The following TTC39C variants were observed in gnomAD, a reference collection of about 807,000 sequenced individuals.
TTC39C encodes tetratricopeptide repeat protein 39C.
A neutral mutation model predicts 76.3 loss-of-function variants in TTC39C; 33 were observed. That is an observed-to-expected ratio of 0.43 (90% CI 0.33 to 0.58). The LOEUF is 0.58. Among genes scored for constraint, TTC39C ranks in the 20% least tolerant of loss-of-function variants. TTC39C has a pLI of 0.04. For missense variants in TTC39C, 595 were observed against 701.4 expected (o/e 0.85, Z 1.71); for synonymous variants, 254 against 260.6 (o/e 0.97, Z 0.24).
intron 6 of TTC39C, among the ~76,000 whole-genome samples, chr18:24,111,237 C>T (rs116398885): frequency 0.028 from 4,313 of 152,038 alleles, 213 homozygotes; most frequent in African/African-American, 0.098. Flanking sequence ...TGAGCCACTG[C>T]GCCCGGCCTC....
chr18:24,046,131 G>A (rs2145702325), intron 1 of TTC39C, among the ~76,000 whole-genome samples: 1 of 151,054 alleles, frequency 6.6e-6, no homozygotes, highest in South Asian at 2.1e-4. Context: ...GTAGAGATGG[G>A]GTTTCACTGT....
intron 6 of TTC39C, chr18:24,114,080 G>A (rs1315902274): frequency 3.7e-6 from 1 of 272,726 alleles, no homozygotes; most frequent in African/African-American, 2.2e-5. Context: ...AGACTTCTGG[G>A]CCAGGGCTGG....
At chr18:24,132,054 A>G (rs2085136808) in intron 13 of TTC39C, 134 bp downstream of exon 13, 2 of 774,240 alleles carry the variant, frequency 2.6e-6, no homozygotes, top group Non-Finnish European at 4.0e-6. Context: ...AATGACAACC[A>G]ATTGAATCAG....
chr18:24,014,800 C>T lies in TTC39C; in HGVS notation c.-72C>T, dbSNP rs1568404171. On this transcript the variant is annotated 5_prime_UTR_variant, in exon 1 of 14. Transcript: ENST00000317571. ...TTGGCTCCGGGCAGGTAGAGCCGGG[C>T]TCCGGGCGCGCGCGGGGCCGCAGCA... is the stretch of plus-strand genomic sequence containing the variant. 8 of 1,190,850 alleles carry T rather than the reference C, an allele frequency of 6.7e-6. No individual in the cohort carries two copies. The highest frequency in any genetic ancestry group is 8.4e-6 in the Non-Finnish European group (8 of 957,266). 73.8% of individuals were successfully genotyped at this position (1,190,850 alleles called of 1,614,324 possible).
chr18:24,040,888 G>C (rs2083784816), intron 1 of TTC39C, among the ~76,000 whole-genome samples: 1 of 151,944 alleles, frequency 6.6e-6, no homozygotes, highest in African/African-American at 2.4e-5. Context: ...ATTTTTGGGG[G>C]GGCTATATTA....
chr18:23,997,681 A>AGAAAGAAG (rs2083277776), intron 1 of TTC39C, among the ~76,000 whole-genome samples: 1 of 146,368 alleles, frequency 6.8e-6, no homozygotes, highest in Admixed American at 6.8e-5. Context: ...AAAGAAAGAA[A>AGAAAGAAG]GAAAGAAAGA....
At chr18:24,120,059 G>A (rs955981768) in intron 8 of TTC39C, among the ~76,000 whole-genome samples, 1 of 151,648 alleles carries the variant, frequency 6.6e-6, no homozygotes, top group African/African-American at 2.4e-5. Context: ...TTGGGATTTT[G>A]TAGAGAGGAT....
At chr18:24,099,089 A>T (rs1440931730) in intron 6 of TTC39C, 1 of 98,076 alleles carries the variant, frequency 1.0e-5, no homozygotes, top group Non-Finnish European at 2.0e-5. Context: ...TATATATAAC[A>T]TATATACATA....
At chr18:24,054,978 G>A (rs1009884632) in intron 1 of TTC39C, among the ~76,000 whole-genome samples, 4 of 152,190 alleles carry the variant, frequency 2.6e-5, no homozygotes, top group African/African-American at 9.7e-5. Flanking sequence ...GTACTTCATA[G>A]AAGTGGAATC....
Position 24,134,255 on chromosome 18 carries a change from C to CTTTTTTTTTTTTTT in TTC39C, c.*1682_*1683insTTTTTTTTTTTTTT, listed in dbSNP as rs1568450608. On this transcript the variant is annotated 3_prime_UTR_variant, in exon 14 of 14. Transcript: ENST00000317571. ...ATTGGTGCCCAAAAATATTGGACAT[C>CTTTTTTTTTTTTTT]TGTTTTTTGTTTTTTTTTTTTTTTT... The CTTTTTTTTTTTTTT allele has an allele frequency of 2.1e-5, 1 of 46,708 alleles. No individual in the cohort carries two copies. Among genetic ancestry groups the CTTTTTTTTTTTTTT allele is most frequent in the African/African-American group, 8.3e-5 (1 of 12,012 alleles). 2.9% of individuals were successfully genotyped at this position (46,708 alleles called of 1,614,324 possible).
intron 1 of TTC39C, among the ~76,000 whole-genome samples, chr18:24,060,266 TGACTGGTGTG>T (rs1388310500): frequency 6.6e-6 from 1 of 151,982 alleles, no homozygotes; most frequent in Non-Finnish European, 1.5e-5. Flanking sequence ...ATAACCATTC[TGACTGGTGTG>T]AGACGGTACC....
intron 6 of TTC39C, among the ~76,000 whole-genome samples, chr18:24,104,688 T>TTG (rs10661950): frequency 0.21 from 29,786 of 144,298 alleles, 3,161 homozygotes; most frequent in Middle Eastern, 0.33. Context: ...AGCAGGGTGT[T>TTG]TGTGTGTGTG....
At chr18:24,051,741 G>A (rs1176452692) in intron 1 of TTC39C, among the ~76,000 whole-genome samples, 1 of 152,234 alleles carries the variant, frequency 6.6e-6, no homozygotes, top group Non-Finnish European at 1.5e-5. Flanking sequence ...ATAAGCACGT[G>A]TGCTTTTGTT....
chr18:24,127,650 G>GCAGC (rs2085067492), intron 10 of TTC39C, among the ~76,000 whole-genome samples: 1 of 152,044 alleles, frequency 6.6e-6, no homozygotes. Flanking sequence ...CTGAGTAGCT[G>GCAGC]GGACTACAGG....
intron 1 of TTC39C, among the ~76,000 whole-genome samples, chr18:24,058,951 TC>T (rs1179296877): frequency 1.3e-5 from 2 of 152,230 alleles, no homozygotes; most frequent in African/African-American, 4.8e-5. Flanking sequence ...ATTTTGGCCA[TC>T]TTTTTAGGAA....
In TTC39C at chr18:24,118,242, C is replaced by T. The variant is rs755086951; in HGVS notation, c.1186+10C>T. ...GCCTACTTGACTGCAGGTGAGTCGC[C>T]CATGGTCCCTCAGTGTGCCTCTCTC... is the stretch of plus-strand genomic sequence containing the variant. On this transcript the variant is annotated intron_variant, in intron 8 of 13. Coordinates refer to ENST00000317571, the MANE Select transcript of TTC39C (RefSeq NM_001135993.2). 2.5e-6 allele frequency: 4 copies of T among 1,604,674 alleles called. No individual in the cohort carries two copies. The highest frequency in any genetic ancestry group is 1.7e-4 in the Middle Eastern group (1 of 6,058).
intron 5 of TTC39C, among the ~76,000 whole-genome samples, chr18:24,082,529 A>AT (rs1277683686): frequency 2.6e-5 from 4 of 152,194 alleles, no homozygotes; most frequent in African/African-American, 9.6e-5. Flanking sequence ...TAAAGCTTTT[A>AT]TTACAAGGGA....
intron 1 of TTC39C, among the ~76,000 whole-genome samples, chr18:24,060,794 A>G (rs2084089354): frequency 6.6e-6 from 1 of 152,186 alleles, no homozygotes; most frequent in African/African-American, 2.4e-5. Context: ...TTAGCATAAC[A>G]GTACCCATTT....
intron 1 of TTC39C, among the ~76,000 whole-genome samples, chr18:24,044,159 C>T (rs2083834008): frequency 6.6e-6 from 1 of 151,978 alleles, no homozygotes; most frequent in Non-Finnish European, 1.5e-5. Context: ...CTGTACACAG[C>T]ACGGGGGCAG....
Sources: allele counts gnomAD v4.1 joint callset (sites outside exome capture counted in the v4.1 genomes callset), GRCh38; gene constraint gnomAD v4.1.1; transcripts MANE v1.5; gene names NCBI Gene and HGNC (gene_info 2026-07-23, HGNC 2026-07-21).